The following PTK2B variants were observed in gnomAD, a reference collection of about 807,000 sequenced individuals.
PTK2B encodes the protein protein-tyrosine kinase 2-beta.
In PTK2B, 71 loss-of-function variants were observed where a neutral mutation model predicts 142.9. That is an observed-to-expected ratio of 0.50 (90% CI 0.41 to 0.61). PTK2B has a LOEUF of 0.61. Ranked by LOEUF, PTK2B falls within the 20% of genes least tolerant of loss-of-function variation. The pLI, the probability that PTK2B is intolerant of heterozygous loss-of-function variation, is 0.00. For synonymous variants in PTK2B, 519 were observed against 503.4 expected, an observed-to-expected ratio of 1.03 and a Z score of -0.42; for missense variants, 1,105 against 1,320.4, an observed-to-expected ratio of 0.84 and a Z score of 2.53.
At chr8:27,356,935 C>T (rs527255608) in intron 1 of PTK2B, among the ~76,000 whole-genome samples, 1 of 152,026 alleles carries the variant, frequency 6.6e-6, no homozygotes, top group Non-Finnish European at 1.5e-5. Flanking sequence ...AAGGGGTAAC[C>T]CAAAGAAGTC....
At chr8:27,374,676 G>C (rs551090947) in intron 1 of PTK2B, among the ~76,000 whole-genome samples, 2 of 152,208 alleles carry the variant, frequency 1.3e-5, no homozygotes, top group Non-Finnish European at 2.9e-5. Context: ...GCAGTTGCGA[G>C]TGTGGGCTCT....
At chr8:27,406,824 A>G (rs187655493) in intron 2 of PTK2B, among the ~76,000 whole-genome samples, 142 of 152,334 alleles carry the variant, frequency 9.3e-4, no homozygotes, top group African/African-American at 3.4e-3. Context: ...TCCCCATGTG[A>G]AAAATAAAAC....
chr8:27,453,727 T>TA (rs1163482702), intron 28 of PTK2B, among the ~76,000 whole-genome samples: 8 of 151,940 alleles, frequency 5.3e-5, no homozygotes, highest in African/African-American at 1.9e-4. Context: ...TAAATTTTTT[T>TA]AAAAAAGATT....
chr8:27,310,789 C>A, upstream of PTK2B: 1 of 1,570,788 alleles, frequency 6.4e-7, no homozygotes, highest in Non-Finnish European at 8.7e-7. Context: ...TCGTGCAAAT[C>A]GCTGCTCTTA....
intron 1 of PTK2B, among the ~76,000 whole-genome samples, chr8:27,343,311 C>T (rs1395005084): frequency 1.3e-5 from 2 of 152,186 alleles, no homozygotes; most frequent in East Asian, 1.9e-4. Context: ...CCTCCCACTG[C>T]TCCCTTCCCC....
At chr8:27,350,309 T>C (rs1187587687) in intron 1 of PTK2B, among the ~76,000 whole-genome samples, 1 of 152,228 alleles carries the variant, frequency 6.6e-6, no homozygotes, top group Non-Finnish European at 1.5e-5. Context: ...TTGGATGTTA[T>C]TGAAACCTTG....
At chr8:27,350,872 A>C (rs2130477839) in intron 1 of PTK2B, among the ~76,000 whole-genome samples, 1 of 148,710 alleles carries the variant, frequency 6.7e-6, no homozygotes, top group South Asian at 2.2e-4. Flanking sequence ...GCCACTTGAG[A>C]GGCTGAGGCA....
At chr8:27,409,050 G>A (rs748305944) in intron 2 of PTK2B, among the ~76,000 whole-genome samples, 6 of 152,020 alleles carry the variant, frequency 3.9e-5, no homozygotes, top group African/African-American at 9.7e-5. Flanking sequence ...CCATCTCCCC[G>A]TGTGCATGTC....
At chr8:27,451,812 C>G (rs1441261653) in intron 27 of PTK2B, 2 of 1,271,810 alleles carry the variant, frequency 1.6e-6, no homozygotes, top group Non-Finnish European at 2.0e-6. Flanking sequence ...TTCCTCATTT[C>G]CTGCTCTGTT....
chr8:27,445,952 G>T, intron 24 of PTK2B, 33 bp downstream of exon 24: 1 of 1,610,660 alleles, frequency 6.2e-7, no homozygotes, highest in South Asian at 1.1e-5. Context: ...TCCCTGCCCG[G>T]ACTGAGGAGG....
At chr8:27,339,866 G>C (rs1804290584) in intron 1 of PTK2B, among the ~76,000 whole-genome samples, 1 of 152,212 alleles carries the variant, frequency 6.6e-6, no homozygotes, top group South Asian at 2.1e-4. Context: ...CCCTTCTGTA[G>C]AATTTTAGTC....
intron 23 of PTK2B, 68 bp from the exon 24 acceptor site, chr8:27,445,726 T>G (rs1586346890): frequency 6.3e-7 from 1 of 1,598,136 alleles, no homozygotes; most frequent in Non-Finnish European, 8.5e-7. Flanking sequence ...TGCTCGTGTT[T>G]GTAGCAGCTA....
At chr8:27,431,230 C>T in intron 8 of PTK2B, 168 bp from the exon 9 acceptor site, 22 of 1,501,540 alleles carry the variant, frequency 1.5e-5, no homozygotes, top group South Asian at 2.6e-5. Context: ...GTGGGCAGGA[C>T]AGGCAAGGTG....
intron 1 of PTK2B, among the ~76,000 whole-genome samples, chr8:27,381,032 T>G (rs1806983683): frequency 6.6e-6 from 1 of 152,186 alleles, no homozygotes; most frequent in South Asian, 2.1e-4. Context: ...CTAAGAGAGT[T>G]GATTTTTTTA....
At chr8:27,454,077 T>C (rs993961044) in intron 28 of PTK2B, 77 bp from the exon 29 acceptor site, 14 of 1,579,176 alleles carry the variant, frequency 8.9e-6, no homozygotes, top group Non-Finnish European at 1.1e-5. Context: ...TTGGCCACAG[T>C]GGTGCCTGCC....
In PTK2B at chr8:27,403,769, G is replaced by GCTC. The variant is rs768732085; in HGVS notation, c.204+5997_204+5999dup. On this transcript the variant is annotated intron_variant, in intron 2 of 30. Transcript: ENST00000346049. ...GGCTCTTGCTGCTGCTGCTGCTGCT[G>GCTC]CTCCTCCTCCTCCTCCTCTTCTTCT... Among the ~76,000 whole-genome samples, 231 of 111,344 alleles carry GCTC rather than the reference G, an allele frequency of 2.1e-3. 1 individual carries two copies. Among genetic ancestry groups the GCTC allele is most frequent in the Non-Finnish European group, 3.5e-3 (170 of 48,732 alleles). 73.0% of individuals were successfully genotyped at this position (111,344 alleles called of 152,430 possible).
At chr8:27,355,373 G>T (rs1379049481) in intron 1 of PTK2B, among the ~76,000 whole-genome samples, 13 of 152,232 alleles carry the variant, frequency 8.5e-5, no homozygotes, top group Middle Eastern at 6.8e-3. Context: ...GCACTATGCT[G>T]CTGGTTTTGA....
At position 27,440,308 on chromosome 8, in the gene PTK2B, G is replaced by T. The variant is rs200235961; in HGVS notation, c.1906G>T (p.Gly636Trp). 2 of 1,614,128 alleles carry T rather than the reference G, an allele frequency of 1.2e-6. No individual in the cohort carries two copies. The highest frequency in any genetic ancestry group is 1.7e-6 in the Non-Finnish European group (2 of 1,180,020). ...CTGGCTGGAGAACAAGGATGTCATCGGGGTGCTGGAGAAAGGAGACCGGCT... is the reference window on the plus strand; with the variant it reads ...CTGGCTGGAGAACAAGGATGTCATCTGGGTGCTGGAGAAAGGAGACCGGCT... The part of the protein sequence containing the change: ...FFWLENKDVI[G>W]VLEKGDRLPK... Residue 636 changes from glycine (G) to tryptophan (W), a missense_variant, in exon 21 of 31, where the codon GGG (glycine) becomes TGG (tryptophan). By Grantham distance (184) the Gly-to-Trp change is radical. Coordinates refer to ENST00000346049, the MANE Select transcript of PTK2B (RefSeq NM_173176.3).
At chr8:27,451,109 T>A (rs565868396) in intron 26 of PTK2B, 31 bp downstream of exon 26, 1 of 1,604,352 alleles carries the variant, frequency 6.2e-7, no homozygotes, top group African/African-American at 1.3e-5. Context: ...GCCTCCTCCA[T>A]GCCAAGGCCT....
Sources: gnomAD v4.1 joint callset for allele counts (sites outside exome capture counted in the v4.1 genomes callset) on GRCh38, gnomAD v4.1.1 for gene constraint, MANE v1.5 for transcripts, NCBI Gene and HGNC (gene_info 2026-07-23, HGNC 2026-07-21) for gene names.